The following NALF1 variants were observed in gnomAD, a reference collection of about 807,000 sequenced individuals.
NALF1 encodes NALCN channel auxiliary factor 1.
Under a neutral mutation model 48.4 loss-of-function variants are expected in NALF1, and 3 were observed. That is an observed-to-expected ratio of 0.06 (90% confidence interval 0.03 to 0.16). The LOEUF (loss-of-function observed/expected upper bound fraction) is 0.16. NALF1 is among the 10% of genes least tolerant of loss of function. NALF1 has a pLI of 1.00. For missense variants in NALF1, 526 were observed against 571.5 expected, an observed-to-expected ratio of 0.92 and a Z score of 0.81; for synonymous variants, 262 against 245.7, an observed-to-expected ratio of 1.07 and a Z score of -0.62.
chr13:107,633,033 G>C (rs1475772004), intron 1 of NALF1, among the ~76,000 whole-genome samples: 2 of 152,002 alleles, frequency 1.3e-5, no homozygotes, highest in African/African-American at 2.4e-5. Context: ...TTTAGAAAGA[G>C]AGAATAGTTG....
chr13:107,217,769 T>C (rs1879905166), intron 1 of NALF1, among the ~76,000 whole-genome samples: 1 of 152,178 alleles, frequency 6.6e-6, no homozygotes, highest in South Asian at 2.1e-4. Context: ...TGATTTCTAC[T>C]GACACCAGTG....
chr13:107,500,794 G>A (rs1875497021), intron 1 of NALF1, among the ~76,000 whole-genome samples: 1 of 151,896 alleles, frequency 6.6e-6, no homozygotes. Flanking sequence ...ATGAGTTCAT[G>A]TCCTTTGTAG....
chr13:107,730,788 T>A (rs1214870219), intron 1 of NALF1, among the ~76,000 whole-genome samples: 2 of 152,210 alleles, frequency 1.3e-5, no homozygotes, highest in Non-Finnish European at 2.9e-5. Context: ...ATTGAATAAA[T>A]GAGTAACAGT....
At chr13:107,665,457 G>C (rs996610164) in intron 1 of NALF1, among the ~76,000 whole-genome samples, 2 of 152,088 alleles carry the variant, frequency 1.3e-5, no homozygotes, top group African/African-American at 2.4e-5. Context: ...TACCTAACCA[G>C]TTTCCATATT....
chr13:107,301,429 G>T (rs1881835141), intron 1 of NALF1, among the ~76,000 whole-genome samples: 1 of 152,256 alleles, frequency 6.6e-6, no homozygotes, highest in South Asian at 2.1e-4. Context: ...GTAACATAAA[G>T]TAGTAGCCTC....
intron 2 of NALF1, among the ~76,000 whole-genome samples, chr13:107,172,810 T>TAAC (rs1449100917): frequency 6.6e-6 from 1 of 152,176 alleles, no homozygotes; most frequent in African/African-American, 2.4e-5. Context: ...AGAATATATT[T>TAAC]AACAATGTTA....
At chr13:107,276,863 A>C (rs1281463167) in intron 1 of NALF1, among the ~76,000 whole-genome samples, 1 of 152,174 alleles carries the variant, frequency 6.6e-6, no homozygotes, top group Non-Finnish European at 1.5e-5. Context: ...CTAATATAAG[A>C]ATTTTAACTA....
At chr13:107,567,074 T>C (rs1279501592) in intron 1 of NALF1, among the ~76,000 whole-genome samples, 2 of 152,022 alleles carry the variant, frequency 1.3e-5, no homozygotes, top group Admixed American at 6.6e-5. Flanking sequence ...AATGAAAAAA[T>C]GCTACACTCC....
chr13:107,627,125 A>G (rs2138445282), intron 1 of NALF1, among the ~76,000 whole-genome samples: 1 of 132,394 alleles, frequency 7.6e-6, no homozygotes, highest in South Asian at 2.6e-4. Context: ...CCTTGTGGAA[A>G]TATTTCTAAC....
intron 1 of NALF1, among the ~76,000 whole-genome samples, chr13:107,527,849 T>A (rs1876496149): frequency 1.3e-5 from 2 of 152,168 alleles, no homozygotes; most frequent in Non-Finnish European, 2.9e-5. Flanking sequence ...CACGTGGAAC[T>A]GTGAGTCCCT....
chr13:107,664,055 G>C (rs1229789161), intron 1 of NALF1, among the ~76,000 whole-genome samples: 1 of 152,044 alleles, frequency 6.6e-6, no homozygotes, highest in Non-Finnish European at 1.5e-5. Flanking sequence ...TGTACCTTTG[G>C]CTTGGCACCT....
intron 1 of NALF1, among the ~76,000 whole-genome samples, chr13:107,770,220 G>C (rs781115171): frequency 2.6e-5 from 4 of 152,046 alleles, no homozygotes; most frequent in Non-Finnish European, 4.4e-5. Flanking sequence ...GCCCACTTTT[G>C]TTTTTTATAA....
intron 1 of NALF1, among the ~76,000 whole-genome samples, chr13:107,580,472 C>G (rs1878273559): frequency 6.6e-6 from 1 of 152,170 alleles, no homozygotes; most frequent in South Asian, 2.1e-4. Context: ...ACCTCTCCCA[C>G]AGGTCTGCTC....
intron 1 of NALF1, among the ~76,000 whole-genome samples, chr13:107,546,913 T>C (rs2139125021): frequency 6.6e-6 from 1 of 152,284 alleles, no homozygotes; most frequent in Non-Finnish European, 1.5e-5. Context: ...CAGATAAACA[T>C]TGGCAAGCCT....
At chr13:107,802,752 G>C (rs1460368695) in intron 1 of NALF1, among the ~76,000 whole-genome samples, 1 of 151,946 alleles carries the variant, frequency 6.6e-6, no homozygotes, top group Admixed American at 6.6e-5. Flanking sequence ...AAGGATAACT[G>C]AACGAATAAA....
chr13:107,224,025 A>G (rs115335899), intron 1 of NALF1, among the ~76,000 whole-genome samples: 2,550 of 152,274 alleles, frequency 0.017, 74 homozygotes, highest in African/African-American at 0.058. Flanking sequence ...TTGATTAATT[A>G]ATTAATTATT....
chr13:107,359,329 C>G (rs1014679985), intron 1 of NALF1, among the ~76,000 whole-genome samples: 5 of 152,110 alleles, frequency 3.3e-5, no homozygotes, highest in Admixed American at 2.0e-4. Context: ...TGTCTTTTTA[C>G]CAGACTCTTG....
At chr13:107,721,150 G>A (rs750750360) in intron 1 of NALF1, among the ~76,000 whole-genome samples, 1 of 134,370 alleles carries the variant, frequency 7.4e-6, no homozygotes, top group Non-Finnish European at 1.6e-5. Context: ...ACACACACAC[G>A]TAATGAAATA....
Position 107,280,110 on chromosome 13 carries a change from T to C in NALF1, c.916-69355A>G, listed in dbSNP as rs115062596. The stretch of plus-strand genomic sequence containing the variant: ...GGTGGACACCTAAGCTAGTTTATTA[T>C]TCTATATATTCTCCATCCTGCAGAT... On this transcript the variant is annotated intron_variant, in intron 1 of 2. Coordinates refer to ENST00000375915, the MANE Select transcript of NALF1 (RefSeq NM_001080396.3). Among the ~76,000 whole-genome samples the C allele has an allele frequency of 8.2e-3, 1,250 of 152,224 alleles. 15 individuals are homozygous for C. Among genetic ancestry groups the C allele is most frequent in the African/African-American group, 0.028 (1,184 of 41,546 alleles).
Sources: gnomAD v4.1 joint callset for allele counts (sites outside exome capture counted in the v4.1 genomes callset) on GRCh38, gnomAD v4.1.1 for gene constraint, MANE v1.5 for transcripts, NCBI Gene and HGNC (gene_info 2026-07-23, HGNC 2026-07-21) for gene names.